The following DDX6 variants were observed in gnomAD, a reference collection of about 807,000 sequenced individuals.
DDX6 encodes probable ATP-dependent RNA helicase DDX6.
A neutral mutation model predicts 60.6 loss-of-function variants in DDX6; 7 were observed. The observed-to-expected ratio is 0.12, with a 90% CI of 0.07 to 0.22. The LOEUF is 0.22. Among genes scored for constraint, DDX6 ranks in the 10% least tolerant of loss-of-function variants. The pLI is 1.00. For synonymous variants in DDX6, 207 were observed against 201.0 expected, an observed-to-expected ratio of 1.03 and a Z score of -0.25; for missense variants, 270 against 589.9, an observed-to-expected ratio of 0.46 and a Z score of 5.62.
chr11:118,751,874 G>A lies in DDX6; in HGVS notation c.*231C>T. ...CATTTTTTAAAAACCAGCAGTTAGT[G>A]CAACTAATGTTCAGTCAGCACACAG... is the stretch of plus-strand genomic sequence containing the variant. On this transcript the variant is annotated 3_prime_UTR_variant, in exon 14 of 14. Coordinates refer to ENST00000534980, the MANE Select transcript of DDX6 (RefSeq NM_004397.6). 1 of 434,668 alleles carries A rather than the reference G, an allele frequency of 2.3e-6. No homozygotes were observed. The highest frequency in any genetic ancestry group is 4.6e-6 in the Non-Finnish European group (1 of 217,886). The allele number at this position is 434,668 out of a possible 1,614,324, so 26.9% of individuals were successfully genotyped here. A position where few individuals can be genotyped will look rare whatever the true frequency, so the allele number is the denominator to read the frequency against.
rs782574226 is a variant in DDX6 at position 118,781,148 on chromosome 11, A to G, written c.237T>C (p.Pro79=). ...AAGTTTTGATTCTTAGATCCTTTGG[A>G]GGGAGTTTTAAAGTCTTTTTCCAGT... ...GDDWKKTLKL[P]PKDLRIKTSD... Residue 79 remains proline (P), a synonymous_variant, in exon 3 of 14, where the codon CCT becomes CCC. Transcript: ENST00000534980. The G allele has an allele frequency of 1.5e-5, 24 of 1,606,386 alleles. No homozygotes were observed. Among genetic ancestry groups the G allele is most frequent in the Non-Finnish European group, 2.0e-5 (23 of 1,175,474 alleles).
At chr11:118,765,182 C>A in intron 6 of DDX6, 27 bp downstream of exon 6, 1 of 1,609,856 alleles carries the variant, frequency 6.2e-7, no homozygotes, top group Non-Finnish European at 8.5e-7. Context: ...CAGAGAGCTA[C>A]ACTACCTTTT....
intron 4 of DDX6, among the ~76,000 whole-genome samples, chr11:118,772,496 G>C (rs1861567884): frequency 1.3e-5 from 2 of 152,130 alleles, no homozygotes; most frequent in South Asian, 4.2e-4. Context: ...TTAGGGGTGT[G>C]GGAAAATGAG....
chr11:118,752,927 AAAAT>A (rs1409183401), intron 13 of DDX6, among the ~76,000 whole-genome samples: 5 of 152,152 alleles, frequency 3.3e-5, no homozygotes, highest in Non-Finnish European at 5.9e-5. Flanking sequence ...CATCTTAATA[AAAAT>A]AAAAAAAAGA....
In DDX6 at chr11:118,765,389, T is replaced by C. The variant is rs955274819; in HGVS notation, c.500-34A>G. The C allele has an allele frequency of 3.2e-5, 51 of 1,607,242 alleles. No homozygotes were observed. In the African/African-American group the frequency reaches 4.8e-4, roughly 15 times the overall value. Reference sequence around the variant, plus strand: ...GTATCAAGGAATATATAAGAAAATATGGGGTGAGGTGGGAGAACATGCTAT... The same window carrying C: ...GTATCAAGGAATATATAAGAAAATACGGGGTGAGGTGGGAGAACATGCTAT... On this transcript the variant is annotated intron_variant, in intron 5 of 13. Transcript: ENST00000534980.
At position 118,786,244 on chromosome 11, in the gene DDX6, G is replaced by T; in HGVS notation, c.8C>A (p.Thr3Lys). 1 of 1,599,606 alleles carries T rather than the reference G, an allele frequency of 6.3e-7. No individual in the cohort carries two copies. The highest frequency in any genetic ancestry group is 8.5e-7 in the Non-Finnish European group (1 of 1,173,080). Residue 3 changes from threonine to lysine, a missense_variant, in exon 2 of 14, where the codon ACG (threonine) becomes AAG (lysine). Physicochemically the swap from Thr to Lys is moderately conservative, Grantham distance 78. Coordinates refer to ENST00000534980, the MANE Select transcript of DDX6 (RefSeq NM_004397.6). MS[T>K]ARTENPVIMG... ...TATAACAGGGTTCTCTGTTCTGGCC[G>T]TGCTCATGCTGTTTTAATTGCAAAG...
Position 118,779,710 on chromosome 11 carries a change from C to T in DDX6, c.291G>A (p.Glu97=), listed in dbSNP as rs1861823747. The T allele has an allele frequency of 6.8e-6, 11 of 1,610,602 alleles. No homozygotes were observed. In the East Asian group the frequency reaches 2.5e-4, roughly 36 times the overall value. Residue 97 remains glutamate (E), a synonymous_variant, in exon 4 of 14, where the codon GAG becomes GAA. Coordinates refer to ENST00000534980, the MANE Select transcript of DDX6 (RefSeq NM_004397.6). The part of the protein sequence containing the change: ...TSDVTSTKGN[E]FEDYCLKREL... ...CCCGTTTCAAACAGTAATCTTCAAA[C>T]TCATTTCCTTTTGTGGAGGTCACAT...
intron 1 of DDX6, chr11:118,789,848 G>A (rs1862204981): frequency 6.6e-6 from 1 of 152,156 alleles, no homozygotes; most frequent in Non-Finnish European, 1.5e-5. Flanking sequence ...CTGCACTGCA[G>A]CTTTTTCTCA....
Position 118,763,272 on chromosome 11 carries a change from C to T in DDX6, c.681G>A (p.Leu227=). ...TTGCTACTCCTTTCTTAATAAGATC[C>T]AGGATTCTCCCAGGGGTAGCAATCA... ...HVVIATPGRI[L]DLIKKGVAKV... Residue 227 remains leucine, a synonymous_variant, in exon 7 of 14, where the codon CTG becomes CTA. Transcript: ENST00000534980. The T allele has an allele frequency of 1.2e-6, 2 of 1,612,960 alleles. No individual in the cohort carries two copies. Among genetic ancestry groups the T allele is most frequent in the Non-Finnish European group, 1.7e-6 (2 of 1,179,596 alleles).
At position 118,749,021 on chromosome 11, in the gene DDX6, A is replaced by T. The variant is rs116180266; in HGVS notation, c.*3084T>A. On this transcript the variant is annotated 3_prime_UTR_variant, in exon 14 of 14. Transcript: ENST00000534980. ...GTATATTTAGGTTTCCCTCTCTCTT[A>T]CTTCTGTGAAAGATCATTTTAGAAT... The T allele has an allele frequency of 2.7e-4, 41 of 152,216 alleles. No homozygotes were observed. Among genetic ancestry groups the T allele is most frequent in the African/African-American group, 9.2e-4 (38 of 41,516 alleles). The allele number at this position is 152,216 out of a possible 1,614,324, so 9.4% of individuals were successfully genotyped here. A position where few individuals can be genotyped will look rare whatever the true frequency, so the allele number is the denominator to read the frequency against.
intron 4 of DDX6, among the ~76,000 whole-genome samples, chr11:118,770,506 G>A (rs868936416): frequency 2.2e-4 from 33 of 152,106 alleles, no homozygotes; most frequent in African/African-American, 5.1e-4. Flanking sequence ...CATCTCCCAC[G>A]ACAACACTCT....
chr11:118,772,289 A>G (rs1203296307), intron 4 of DDX6, among the ~76,000 whole-genome samples: 1 of 152,216 alleles, frequency 6.6e-6, no homozygotes, highest in Non-Finnish European at 1.5e-5. Flanking sequence ...ATCAGAAGTA[A>G]TAGAGCCATA....
chr11:118,787,625 A>G (rs1862120514), intron 1 of DDX6: 1 of 152,214 alleles, frequency 6.6e-6, no homozygotes, highest in South Asian at 2.1e-4. Context: ...GGTGACAGAG[A>G]CCTTGTCTCA....
chr11:118,778,992 C>CA (rs1861794870), intron 4 of DDX6, among the ~76,000 whole-genome samples: 2 of 151,760 alleles, frequency 1.3e-5, no homozygotes, highest in African/African-American at 2.4e-5. Flanking sequence ...CCTATCCCTA[C>CA]AAAAAAATAG....
chr11:118,765,031 C>G (rs1401528504), intron 6 of DDX6, among the ~76,000 whole-genome samples, 178 bp downstream of exon 6: 2 of 152,096 alleles, frequency 1.3e-5, no homozygotes, highest in Admixed American at 1.3e-4. Context: ...CTAATAAAGT[C>G]AAATATCGTT....
At chr11:118,774,272 T>G (rs1407421707) in intron 4 of DDX6, among the ~76,000 whole-genome samples, 1 of 152,078 alleles carries the variant, frequency 6.6e-6, no homozygotes, top group Non-Finnish European at 1.5e-5. Flanking sequence ...TCCAAAGAAG[T>G]CTAGGTTCCT....
chr11:118,757,344 C>A, intron 9 of DDX6, 57 bp from the exon 10 acceptor site: 1 of 986,090 alleles, frequency 1.0e-6, no homozygotes, highest in Non-Finnish European at 1.4e-6. Context: ...ATTTGGTTTG[C>A]CAAATCTTGA....
chr11:118,757,893 G>A (rs1439001227), intron 9 of DDX6, among the ~76,000 whole-genome samples: 1 of 152,082 alleles, frequency 6.6e-6, no homozygotes, highest in East Asian at 1.9e-4. Flanking sequence ...GCCCAGCCAA[G>A]AATACCTTCT....
At chr11:118,769,786 G>A (rs1391888932) in intron 4 of DDX6, among the ~76,000 whole-genome samples, 23 of 152,026 alleles carry the variant, frequency 1.5e-4, no homozygotes, top group Non-Finnish European at 2.8e-4. Context: ...CTCACTGCAA[G>A]CTCTGGCTCC....
Sources: gnomAD v4.1 joint callset for allele counts (sites outside exome capture counted in the v4.1 genomes callset) on GRCh38, gnomAD v4.1.1 for gene constraint, MANE v1.5 for transcripts, NCBI Gene and HGNC (gene_info 2026-07-23, HGNC 2026-07-21) for gene names.